MIPEP: variants seen among roughly 807,000 people sequenced by gnomAD.
MIPEP encodes mitochondrial intermediate peptidase.
A neutral mutation model predicts 90.3 loss-of-function variants in MIPEP; 79 were observed. The observed-to-expected ratio is 0.87, with a 90% CI of 0.73 to 1.05. The LOEUF is 1.05. MIPEP is among the 50% of genes least tolerant of loss of function. The pLI is 0.00. For missense variants in MIPEP, 940 were observed against 905.6 expected (o/e 1.04, Z -0.49); for synonymous variants, 334 against 315.8 (o/e 1.06, Z -0.61).
At chr13:23,849,258 G>C (rs1281274068) in intron 10 of MIPEP, among the ~76,000 whole-genome samples, 1 of 152,210 alleles carries the variant, frequency 6.6e-6, no homozygotes, top group Admixed American at 6.5e-5. Flanking sequence ...AAGACAGTGG[G>C]AAAGCACCAT....
At chr13:23,861,892 G>T (rs1272941727) in intron 9 of MIPEP, among the ~76,000 whole-genome samples, 5 of 151,990 alleles carry the variant, frequency 3.3e-5, no homozygotes, top group Non-Finnish European at 7.4e-5. Context: ...TACTCAATTG[G>T]GCACCATAAA....
intron 5 of MIPEP, among the ~76,000 whole-genome samples, chr13:23,871,131 T>C (rs1376861966): frequency 1.3e-5 from 2 of 152,226 alleles, no homozygotes; most frequent in Non-Finnish European, 2.9e-5. Context: ...TGGTCCTTTC[T>C]TCTACTCTGT....
intron 2 of MIPEP, among the ~76,000 whole-genome samples, chr13:23,883,551 C>T (rs1871350486): frequency 6.6e-6 from 1 of 152,170 alleles, no homozygotes; most frequent in Non-Finnish European, 1.5e-5. Flanking sequence ...TACATCAAAT[C>T]ATATCTAGAT....
At chr13:23,802,253 T>C (rs1440707034) in intron 16 of MIPEP, among the ~76,000 whole-genome samples, 1 of 152,224 alleles carries the variant, frequency 6.6e-6, no homozygotes, top group Non-Finnish European at 1.5e-5. Context: ...CCATGTCTTT[T>C]GTTTATTCAA....
intron 16 of MIPEP, among the ~76,000 whole-genome samples, chr13:23,803,180 T>C (rs1185762918): frequency 6.6e-6 from 1 of 152,018 alleles, no homozygotes; most frequent in Non-Finnish European, 1.5e-5. Flanking sequence ...CTGGCCAACA[T>C]GGTGAAACCC....
intron 16 of MIPEP, chr13:23,766,053 A>G (rs1952588870): frequency 6.6e-6 from 1 of 152,242 alleles, no homozygotes; most frequent in Non-Finnish European, 1.5e-5. Flanking sequence ...TCATTATTTC[A>G]GAAGTATTTT....
At chr13:23,761,985 C>G (rs1049389730) in intron 16 of MIPEP, among the ~76,000 whole-genome samples, 5 of 152,036 alleles carry the variant, frequency 3.3e-5, no homozygotes, top group African/African-American at 7.2e-5. Context: ...ATTAGCCAGG[C>G]GTGGCGGCAC....
chr13:23,812,678 A>T (rs1953188496), intron 14 of MIPEP, among the ~76,000 whole-genome samples: 1 of 152,174 alleles, frequency 6.6e-6, no homozygotes, highest in South Asian at 2.1e-4. Flanking sequence ...CTCTAAAAAA[A>T]GAAAATACGT....
intron 15 of MIPEP, among the ~76,000 whole-genome samples, chr13:23,807,309 T>C (rs147203675): frequency 2.6e-5 from 4 of 152,382 alleles, no homozygotes; most frequent in African/African-American, 9.6e-5. Context: ...TTTGACTTCA[T>C]GCAGGCAAGT....
intron 18 of MIPEP, among the ~76,000 whole-genome samples, chr13:23,749,892 C>T (rs1001008133): frequency 2.0e-5 from 3 of 152,234 alleles, no homozygotes; most frequent in East Asian, 3.9e-4. Flanking sequence ...CCCGACCTGA[C>T]GCCCACTTAC....
At chr13:23,773,883 G>T (rs939766967) in intron 16 of MIPEP, among the ~76,000 whole-genome samples, 2 of 151,748 alleles carry the variant, frequency 1.3e-5, no homozygotes, top group Non-Finnish European at 2.9e-5. Context: ...AGTGTTCTTT[G>T]GATACAAATT....
chr13:23,841,313 A>T, intron 11 of MIPEP, 22 bp downstream of exon 11: 1 of 1,592,940 alleles, frequency 6.3e-7, no homozygotes, highest in Non-Finnish European at 8.5e-7. Flanking sequence ...CTGCAACTGC[A>T]GGCTGAGCAG....
chr13:23,742,672 T>C (rs918164531), intron 18 of MIPEP, among the ~76,000 whole-genome samples: 7 of 152,236 alleles, frequency 4.6e-5, no homozygotes, highest in Non-Finnish European at 7.3e-5. Context: ...AAAACTATCA[T>C]AAAACTCACA....
rs1375320068 is a variant in MIPEP at position 23,775,109 on chromosome 13, C to CTCTCTGTGTGTG, written c.1849-14893_1849-14892insCACACACAGAGA. 1.8e-4 allele frequency among the ~76,000 whole-genome samples: 27 copies of CTCTCTGTGTGTG among 149,198 alleles called. 1 individual carries two copies. The highest frequency in any genetic ancestry group is 6.7e-4 in the African/African-American group (27 of 40,442). ...TCACTGCACCCAGCCTATCAGTTCT[C>CTCTCTGTGTGTG]TGTGTGTGTGTGTGTGTGTGTGTGT... On this transcript the variant is annotated intron_variant, in intron 16 of 18. Coordinates refer to ENST00000382172, the MANE Select transcript of MIPEP (RefSeq NM_005932.4).
rs549881925 is a variant in MIPEP, at chr13:23,850,028, A to C, written c.1107-8540T>G. Among the ~76,000 whole-genome samples the C allele has an allele frequency of 2.0e-5, 3 of 152,352 alleles. No individual in the cohort carries two copies. In the East Asian group the frequency reaches 5.8e-4, roughly 29 times the overall value. On this transcript the variant is annotated intron_variant, in intron 10 of 18. Coordinates refer to ENST00000382172, the MANE Select transcript of MIPEP (RefSeq NM_005932.4). The stretch of plus-strand genomic sequence containing the variant: ...CTTATTCTATTCAGTGAGTGAGAGC[A>C]AATGTGACAGAGAACATGTGCACCA...
At chr13:23,801,531 CCAAT>C (rs1183268759) in intron 16 of MIPEP, among the ~76,000 whole-genome samples, 1 of 152,216 alleles carries the variant, frequency 6.6e-6, no homozygotes, top group Non-Finnish European at 1.5e-5. Flanking sequence ...CATGTACCCA[CCAAT>C]CAGTTTAAGA....
In MIPEP at chr13:23,760,822, CTTCA is replaced by C. The variant is rs1565984484; in HGVS notation, c.1849-609_1849-606del. Among the ~76,000 whole-genome samples the C allele has an allele frequency of 2.6e-5, 4 of 152,268 alleles. No individual in the cohort carries two copies. In the South Asian group the frequency reaches 8.3e-4, roughly 32 times the overall value. On this transcript the variant is annotated intron_variant, in intron 16 of 18. Coordinates refer to ENST00000382172, the MANE Select transcript of MIPEP (RefSeq NM_005932.4). ...TTGCTCCAAATATATGGCTATTCTT[CTTCA>C]TTAAGTGAGTTTAATTACACTGATT...
Position 23,837,680 on chromosome 13 carries a change from A to C in MIPEP, c.1415T>G (p.Leu472Arg). The stretch of plus-strand genomic sequence containing the variant: ...ACTCCTTGAGGAACGGGGAAGATTC[A>C]GCATAAGAACTACAACTGGGAGTTG... ...DYQLPVVVLM[L>R]NLPRSSRSSP... The change falls in exon 13 of 19, where the codon CTG becomes CGG. Residue 472 changes from leucine to arginine, a missense_variant. Coordinates refer to ENST00000382172, the MANE Select transcript of MIPEP (RefSeq NM_005932.4). 6.2e-7 allele frequency: 1 copy of C among 1,614,182 alleles called. No individual in the cohort carries two copies. Among genetic ancestry groups the C allele is most frequent in the Non-Finnish European group, 8.5e-7 (1 of 1,179,964 alleles).
At chr13:23,758,002 G>C (rs777595457) in intron 17 of MIPEP, among the ~76,000 whole-genome samples, 8 of 152,126 alleles carry the variant, frequency 5.3e-5, no homozygotes, top group Non-Finnish European at 1.2e-4. Context: ...TTGTGAACAT[G>C]GTCTTTAATC....
Sources: gnomAD v4.1 joint callset for allele counts (sites outside exome capture counted in the v4.1 genomes callset) on GRCh38, gnomAD v4.1.1 for gene constraint, MANE v1.5 for transcripts, NCBI Gene and HGNC (gene_info 2026-07-23, HGNC 2026-07-21) for gene names.